GPC3: variants seen among roughly 807,000 people sequenced by gnomAD.
GPC3 encodes the protein glypican 3.
In GPC3, 3 loss-of-function variants were observed where a neutral mutation model predicts 34.4. The observed-to-expected ratio is 0.09, with a 90% CI of 0.04 to 0.23. The LOEUF (loss-of-function observed/expected upper bound fraction) is 0.23, where lower values mean the gene tolerates loss of function less well. Among genes scored for constraint, GPC3 ranks in the 10% least tolerant of loss-of-function variants. The pLI, the probability that GPC3 is intolerant of heterozygous loss-of-function variation, is 1.00. For missense variants in GPC3, 351 were observed against 445.6 expected (o/e 0.79, Z 1.91); for synonymous variants, 177 against 174.0 (o/e 1.02, Z -0.13).
At chrX:133,594,012 C>T (rs1467977483) in intron 7 of GPC3, among the ~76,000 whole-genome samples, 1 of 111,382 alleles carries the variant, frequency 9.0e-6, no homozygotes, top group African/African-American at 3.3e-5. Flanking sequence ...AGGAAAATTG[C>T]TTGAACCTGG....
intron 2 of GPC3, among the ~76,000 whole-genome samples, chrX:133,793,748 A>T (rs1030934098): frequency 2.7e-5 from 3 of 112,137 alleles, no homozygotes; most frequent in Non-Finnish European, 5.6e-5. Context: ...TATTTCTTCT[A>T]TAAACCTGCA....
chrX:133,712,808 C>G (rs1302836651), intron 3 of GPC3, among the ~76,000 whole-genome samples: 2 of 110,551 alleles, frequency 1.8e-5, no homozygotes, highest in Non-Finnish European at 3.8e-5. Context: ...TTGCTTGAAC[C>G]CAGGAGGTGG....
At position 133,886,158 on chromosome X, in the gene GPC3, C is replaced by T. The variant is rs756599731; in HGVS notation, c.337+66892G>A. On this transcript the variant is annotated intron_variant, in intron 2 of 7. Coordinates refer to ENST00000370818, the MANE Select transcript of GPC3 (RefSeq NM_004484.4). Reference sequence around the variant, plus strand: ...CTCTGTGAGATAGATATTATCATCCCCATTTTATTGATAGAAAATTGAGGC... The same window carrying T: ...CTCTGTGAGATAGATATTATCATCCTCATTTTATTGATAGAAAATTGAGGC... Among the ~76,000 whole-genome samples the T allele has an allele frequency of 6.3e-5, 7 of 110,495 alleles. No homozygotes were observed. The South Asian group carries it at 2.7e-3, about 43-fold the overall frequency.
intron 3 of GPC3, among the ~76,000 whole-genome samples, chrX:133,702,774 C>T (rs932965815): frequency 2.7e-5 from 3 of 111,736 alleles, no homozygotes; most frequent in Non-Finnish European, 3.8e-5. Context: ...CAATGGTGTC[C>T]TGCCAATAAC....
chrX:133,627,342 T>C (rs2070315669), intron 6 of GPC3, among the ~76,000 whole-genome samples: 1 of 111,522 alleles, frequency 9.0e-6, no homozygotes, highest in African/African-American at 3.3e-5. Flanking sequence ...ATAGTTCTTA[T>C]TTGGCTAAAA....
chrX:133,937,223 T>C (rs2076327039), intron 2 of GPC3, among the ~76,000 whole-genome samples: 1 of 111,205 alleles, frequency 9.0e-6, no homozygotes, highest in Non-Finnish European at 1.9e-5. Context: ...CTAATGTTCT[T>C]GTCACCAGAC....
At chrX:133,870,736 G>A (rs1396943596) in intron 2 of GPC3, among the ~76,000 whole-genome samples, 2 of 111,255 alleles carry the variant, frequency 1.8e-5, no homozygotes, top group Non-Finnish European at 3.8e-5. Flanking sequence ...TATTAAAAGA[G>A]GAATCAACAT....
At chrX:133,650,864 C>A (rs988225311) in intron 6 of GPC3, among the ~76,000 whole-genome samples, 1 of 111,201 alleles carries the variant, frequency 9.0e-6, no homozygotes, top group Admixed American at 9.6e-5. Context: ...GATAGTATAC[C>A]CATTTCACAG....
intron 7 of GPC3, among the ~76,000 whole-genome samples, chrX:133,559,957 T>TA (rs920127885): frequency 9.0e-6 from 1 of 111,310 alleles, no homozygotes; most frequent in Admixed American, 9.6e-5. Flanking sequence ...TTTCTCTCTC[T>TA]AATCTTTATT....
intron 7 of GPC3, among the ~76,000 whole-genome samples, chrX:133,536,576 G>A (rs1040404400): frequency 9.1e-6 from 1 of 110,487 alleles, no homozygotes; most frequent in African/African-American, 3.3e-5. Context: ...CTCCCCTTTG[G>A]CTGCATCCAC....
chrX:133,693,998 C>T (rs2071090429), intron 4 of GPC3, among the ~76,000 whole-genome samples: 1 of 110,775 alleles, frequency 9.0e-6, no homozygotes, highest in Admixed American at 9.6e-5. Context: ...TTCCTTTTCT[C>T]CACCATGTTT....
intron 5 of GPC3, among the ~76,000 whole-genome samples, chrX:133,667,988 G>A (rs768089396): frequency 9.3e-6 from 1 of 107,754 alleles, no homozygotes; most frequent in East Asian, 3.0e-4. Context: ...TGCAACCTCC[G>A]CCTCCTGGGT....
At chrX:133,546,754 C>T (rs1408054456) in intron 7 of GPC3, among the ~76,000 whole-genome samples, 2 of 112,101 alleles carry the variant, frequency 1.8e-5, no homozygotes, top group Non-Finnish European at 3.8e-5. Flanking sequence ...CTATGGAGAA[C>T]AGTTTGGAGG....
rs151213984 is a variant in GPC3 at position 133,611,433 on chromosome X, A to G, written c.1414-14834T>C. On this transcript the variant is annotated intron_variant, in intron 6 of 7. Transcript: ENST00000370818. The stretch of plus-strand genomic sequence containing the variant: ...TACACTCAAATCATCAATTCCTACA[A>G]CCTTTCAAAGTTCTCATTCTGATCC... 4.4e-4 allele frequency among the ~76,000 whole-genome samples: 49 copies of G among 112,141 alleles called. 5 individuals are homozygous for G. Among genetic ancestry groups the G allele is most frequent in the Admixed American group, 2.9e-3 (31 of 10,619 alleles).
At chrX:133,718,245 A>G (rs1417984127) in intron 3 of GPC3, among the ~76,000 whole-genome samples, 2 of 112,290 alleles carry the variant, frequency 1.8e-5, no homozygotes, top group Non-Finnish European at 3.8e-5. Flanking sequence ...TGTTGATCGG[A>G]ATACAATGTT....
intron 2 of GPC3, among the ~76,000 whole-genome samples, chrX:133,922,032 G>A (rs1039188055): frequency 8.9e-6 from 1 of 112,245 alleles, no homozygotes; most frequent in Non-Finnish European, 1.9e-5. Context: ...AGCAGTCGCC[G>A]GCTACTCTGC....
At chrX:133,782,481 A>C (rs763482552) in intron 2 of GPC3, among the ~76,000 whole-genome samples, 3 of 111,639 alleles carry the variant, frequency 2.7e-5, no homozygotes, top group Non-Finnish European at 5.7e-5. Context: ...TAACTCAAAG[A>C]AGCACTCACC....
intron 1 of GPC3, among the ~76,000 whole-genome samples, chrX:133,965,031 A>T (rs904378810): frequency 6.3e-5 from 7 of 111,601 alleles, no homozygotes; most frequent in African/African-American, 2.3e-4. Flanking sequence ...CAGGAAGCGC[A>T]CTGACATTTC....
At chrX:133,631,203 A>G (rs1220643441) in intron 6 of GPC3, among the ~76,000 whole-genome samples, 1 of 111,860 alleles carries the variant, frequency 8.9e-6, no homozygotes, top group African/African-American at 3.3e-5. Flanking sequence ...CAATCTCCAG[A>G]ACATTTTCAT....
Sources: gnomAD v4.1 joint callset for allele counts (sites outside exome capture counted in the v4.1 genomes callset) on GRCh38, gnomAD v4.1.1 for gene constraint, MANE v1.5 for transcripts, NCBI Gene and HGNC (gene_info 2026-07-23, HGNC 2026-07-21) for gene names.